The following LRIF1 variants were observed in gnomAD, a reference collection of about 807,000 sequenced individuals.
LRIF1 encodes ligand dependent nuclear receptor interacting factor 1.
In LRIF1, 32 loss-of-function variants were observed where a neutral mutation model predicts 52.7. The ratio of observed to expected loss-of-function variants is 0.61; its 90% CI spans 0.46 to 0.82. The LOEUF (loss-of-function observed/expected upper bound fraction) is 0.82. Ranked by LOEUF, LRIF1 falls within the 40% of genes least tolerant of loss-of-function variation. LRIF1 has a pLI of 0.00. For missense variants in LRIF1, 887 were observed against 892.0 expected (o/e 0.99, Z 0.07); for synonymous variants, 323 against 317.4 (o/e 1.02, Z -0.19).
the LRIF1 span, chr1:110,894,265 C>G: frequency 2.8e-6 from 4 of 1,423,258 alleles, no homozygotes; most frequent in Admixed American, 1.7e-5. Context: ...GCTCCCAGAG[C>G]TGAGTGGGAG....
At chr1:110,876,902 T>A in the LRIF1 span, among the ~76,000 whole-genome samples, 1 of 152,214 alleles carries the variant, frequency 6.6e-6, no homozygotes, top group African/African-American at 2.4e-5. Flanking sequence ...GGCTCTCTCA[T>A]TTGACAGTAA....
At chr1:110,940,389 C>T in the LRIF1 span, 1 of 152,034 alleles carries the variant, frequency 6.6e-6, no homozygotes, top group Admixed American at 6.6e-5. Flanking sequence ...TGGGAATGTA[C>T]ATTAGCACAA....
chr1:110,949,032 G>A (rs1285015652), intron 3 of LRIF1, among the ~76,000 whole-genome samples: 2 of 151,974 alleles, frequency 1.3e-5, no homozygotes, highest in Non-Finnish European at 2.9e-5. Flanking sequence ...AAATGTAGTA[G>A]GTGAATAAAA....
chr1:110,918,406 A>C, the LRIF1 span, among the ~76,000 whole-genome samples: 10 of 152,226 alleles, frequency 6.6e-5, no homozygotes, highest in African/African-American at 1.9e-4. Flanking sequence ...ACTAATAGAC[A>C]AAACATTTAA....
the LRIF1 span, among the ~76,000 whole-genome samples, chr1:110,886,869 A>ATATATATATATATATATATATATT: frequency 1.2e-5 from 1 of 82,798 alleles, no homozygotes; most frequent in South Asian, 4.2e-4. Context: ...ATATATATAT[A>ATATATATATATATATATATATATT]TTTTTTTTTT....
In LRIF1 at chr1:110,951,594, G is replaced by A. The variant is rs756462187; in HGVS notation, c.1290C>T (p.Ser430=). ...KSSQMETKSL[S]NTQLASMANL... ...TGGCCATGGAAGCAAGCTGGGTATTGGAAAGTGATTTTGTCTCCATCTGGG... is the reference window on the plus strand; with the variant it reads ...TGGCCATGGAAGCAAGCTGGGTATTAGAAAGTGATTTTGTCTCCATCTGGG... Residue 430 remains serine (S), a synonymous_variant, in exon 2 of 4, where the codon TCC becomes TCT. Coordinates refer to ENST00000369763, the MANE Select transcript of LRIF1 (RefSeq NM_018372.4). 3 of 1,614,068 alleles carry A rather than the reference G, an allele frequency of 1.9e-6. No homozygotes were observed. Among genetic ancestry groups the A allele is most frequent in the East Asian group, 2.2e-5 (1 of 44,870 alleles).
At chr1:110,878,936 C>CT in the LRIF1 span, among the ~76,000 whole-genome samples, 2 of 151,994 alleles carry the variant, frequency 1.3e-5, no homozygotes, top group African/African-American at 4.8e-5. Flanking sequence ...ATTTATTTAT[C>CT]TTTTATTACT....
At chr1:110,922,663 T>C in the LRIF1 span, among the ~76,000 whole-genome samples, 1 of 152,242 alleles carries the variant, frequency 6.6e-6, no homozygotes, top group Admixed American at 6.5e-5. Flanking sequence ...CACATTGTAG[T>C]TGTTTTCTAT....
rs1338237044 is a variant in LRIF1, at chr1:110,948,027, GTCT to G, written c.2239_2241del (p.Arg747del). 32 of 1,612,772 alleles carry G rather than the reference GTCT, an allele frequency of 2.0e-5. No homozygotes were observed. Among genetic ancestry groups the G allele is most frequent in the Admixed American group, 8.4e-5 (5 of 59,838 alleles). On this transcript the variant is annotated inframe_deletion, in exon 4 of 4. Coordinates refer to ENST00000369763, the MANE Select transcript of LRIF1 (RefSeq NM_018372.4). The stretch of plus-strand genomic sequence containing the variant: ...TCTTTCTCTCTCAGCACCTGCTTAA[GTCT>G]TCTTATTTTTTCATCTCGAATGGTT...
chr1:110,962,953 A>G (rs1024187319), intron 1 of LRIF1, among the ~76,000 whole-genome samples: 1 of 151,976 alleles, frequency 6.6e-6, no homozygotes, highest in African/African-American at 2.4e-5. Flanking sequence ...CTGATCATCT[A>G]TTTTCTAACT....
the LRIF1 span, chr1:110,894,437 C>T: frequency 2.3e-5 from 35 of 1,490,806 alleles, no homozygotes; most frequent in East Asian, 7.7e-4. Flanking sequence ...TGTCTTAATA[C>T]TGAAAGTGGG....
chr1:110,894,862 A>G, the LRIF1 span: 1 of 860,518 alleles, frequency 1.2e-6, no homozygotes, highest in Non-Finnish European at 2.0e-6. Context: ...TTTGGAAGGG[A>G]AGCGCAAGTG....
chr1:110,912,130 G>T, the LRIF1 span, among the ~76,000 whole-genome samples: 1 of 152,262 alleles, frequency 6.6e-6, no homozygotes, highest in African/African-American at 2.4e-5. Flanking sequence ...AAGGCTCCTA[G>T]AATTGGTAAA....
chr1:110,908,398 C>T, the LRIF1 span, among the ~76,000 whole-genome samples: 1 of 152,192 alleles, frequency 6.6e-6, no homozygotes, highest in Non-Finnish European at 1.5e-5. Context: ...CCATGGTTCT[C>T]AACCAGACTG....
chr1:110,954,272 C>T (rs1222670703), intron 1 of LRIF1, among the ~76,000 whole-genome samples: 1 of 152,026 alleles, frequency 6.6e-6, no homozygotes, highest in African/African-American at 2.4e-5. Flanking sequence ...CAAAATATTA[C>T]ATTGACATTT....
Position 110,951,863 on chromosome 1 carries a change from C to T in LRIF1, c.1021G>A (p.Asp341Asn), listed in dbSNP as rs779381724. 26 of 1,613,462 alleles carry T rather than the reference C, an allele frequency of 1.6e-5. No homozygotes were observed. Among genetic ancestry groups the T allele is most frequent in the Non-Finnish European group, 2.0e-5 (24 of 1,179,994 alleles). ...TINMPPLSTI[D>N]PSGTRSKNMP... is the part of the protein sequence containing the mutation. Reference sequence around the variant, plus strand: ...TTTTTGGATCGCGTCCCACTAGGATCGATGGTACTCAATGGTGGCATATTT... The same window carrying T: ...TTTTTGGATCGCGTCCCACTAGGATTGATGGTACTCAATGGTGGCATATTT... The change falls in exon 2 of 4, where the codon GAT becomes AAT. Residue 341 changes from aspartate (D) to asparagine (N), a missense_variant. Coordinates refer to ENST00000369763, the MANE Select transcript of LRIF1 (RefSeq NM_018372.4).
At chr1:110,949,045 A>T (rs1377625870) in intron 3 of LRIF1, among the ~76,000 whole-genome samples, 1 of 152,188 alleles carries the variant, frequency 6.6e-6, no homozygotes, top group African/African-American at 2.4e-5. Context: ...GAATAAAAAA[A>T]ATTAAAACAT....
intron 1 of LRIF1, among the ~76,000 whole-genome samples, chr1:110,960,582 T>C (rs1301161781): frequency 6.6e-6 from 1 of 152,214 alleles, no homozygotes; most frequent in Non-Finnish European, 1.5e-5. Flanking sequence ...TCTAAGGTGA[T>C]GCTTCCCAAA....
At position 110,952,468 on chromosome 1, in the gene LRIF1, C is replaced by A. The variant is rs767367405; in HGVS notation, c.416G>T (p.Gly139Val). The A allele has an allele frequency of 6.2e-7, 1 of 1,612,714 alleles. No homozygotes were observed. ...CATGGTGAGTCCATCAATTTTCACA[C>A]CATGACTCTGAACTTTAGAAACTGA... Reference protein sequence around the residue: ...SSSVSKVQSHGVKIDGLTMQT... With the variant: ...SSSVSKVQSHVVKIDGLTMQT... Residue 139 changes from glycine to valine, a missense_variant, in exon 2 of 4, where the codon GGT becomes GTT. Transcript: ENST00000369763.
Sources: gnomAD v4.1 joint callset for allele counts (sites outside exome capture counted in the v4.1 genomes callset) on GRCh38, gnomAD v4.1.1 for gene constraint, MANE v1.5 for transcripts, NCBI Gene and HGNC (gene_info 2026-07-23, HGNC 2026-07-21) for gene names.